Variants in ERCC3 observed in about 807,000 individuals in gnomAD.
ERCC3 encodes ERCC excision repair 3, TFIIH core complex helicase subunit, also known as general transcription and DNA repair factor IIH helicase/translocase subunit XPB.
Under a neutral mutation model 94.2 loss-of-function variants are expected in ERCC3, and 66 were observed. The observed-to-expected ratio is 0.70, with a 90% CI of 0.57 to 0.86. The LOEUF is 0.86. Among genes scored for constraint, ERCC3 ranks in the 40% least tolerant of loss-of-function variants. The probability of loss-of-function intolerance (pLI) is 0.00; values close to 1 mark genes in which losing one functional copy is unlikely to be tolerated. For missense variants in ERCC3, 829 were observed against 987.1 expected (o/e 0.84, Z 2.15); for synonymous variants, 349 against 369.1 (o/e 0.95, Z 0.63).
chr2:127,273,300 G>A (rs1234456947), intron 10 of ERCC3, among the ~76,000 whole-genome samples: 1 of 152,130 alleles, frequency 6.6e-6, no homozygotes, highest in Non-Finnish European at 1.5e-5. Context: ...AAAGAGAGGT[G>A]CAAAGAAACC....
At chr2:127,290,490 C>T in intron 3 of ERCC3, 1 of 620,352 alleles carries the variant, frequency 1.6e-6, no homozygotes, top group Non-Finnish European at 2.9e-6. Context: ...CTGGGTAATT[C>T]TGATGCATAT....
chr2:127,269,012 G>C (rs1042871279), intron 12 of ERCC3, among the ~76,000 whole-genome samples: 1 of 152,150 alleles, frequency 6.6e-6, no homozygotes, highest in Non-Finnish European at 1.5e-5. Flanking sequence ...ACTAATGGGT[G>C]GGGAGAATTT....
chr2:127,286,959 C>G lies in ERCC3; in HGVS notation c.1086G>C (p.Leu362=). ...CAGAAACAGCTGAGTTGCCCAGCAC[C>G]AGACAGCGTTTTCTGACAGTGCATG... ...TAACTVRKRC[L]VLGNSAVSVE... The change falls in exon 8 of 15, where the codon CTG becomes CTC. Residue 362 remains leucine (L), a synonymous_variant. Coordinates refer to ENST00000285398, the MANE Select transcript of ERCC3 (RefSeq NM_000122.2). The G allele has an allele frequency of 6.2e-7, 1 of 1,614,090 alleles. No homozygotes were observed. Among genetic ancestry groups the G allele is most frequent in the Non-Finnish European group, 8.5e-7 (1 of 1,180,018 alleles).
chr2:127,280,512 G>C lies in ERCC3; in HGVS notation c.1462C>G (p.Leu488Val), dbSNP rs1304706419. 6.2e-6 allele frequency: 10 copies of C among 1,613,914 alleles called. No individual in the cohort carries two copies. The highest frequency in any genetic ancestry group is 1.3e-5 in the African/African-American group (1 of 74,902). Residue 488 changes from leucine to valine, a missense_variant, in exon 9 of 15, where the codon CTC becomes GTC. Coordinates refer to ENST00000285398, the MANE Select transcript of ERCC3 (RefSeq NM_000122.2). This position sits in a 1 kb window ranked among gnomAD's most constrained non-coding sequence, Gnocchi z 6.3. ...AGCTCCATCCAGTTGGCTTCGTAGA[G>C]CTTAGGCCCAATCAGAAAATTTAAA... is the stretch of plus-strand genomic sequence containing the variant. ...VDLNFLIGPK[L>V]YEANWMELQN...
Position 127,280,589 on chromosome 2 carries a change from C to G in ERCC3, c.1385G>C (p.Cys462Ser). ...GAGGGTCGCAGTCAAACCCAGCTTA[C>G]AGTGGGCCTGCACGATGGTGAGCAC... is the stretch of plus-strand genomic sequence containing the variant. Reference protein sequence around the residue: ...RRVLTIVQAHCKLGLTATLVR... With the variant: ...RRVLTIVQAHSKLGLTATLVR... The change falls in exon 9 of 15, where the codon TGT becomes TCT. Residue 462 changes from cysteine to serine, a missense_variant. Cys to Ser is a moderately radical substitution (Grantham distance 112, BLOSUM62 -1). Transcript: ENST00000285398. The surrounding 1 kb of genome is among the most constrained non-coding windows in gnomAD (Gnocchi z 6.3). The G allele has an allele frequency of 2.5e-6, 4 of 1,614,210 alleles. No individual in the cohort carries two copies. The highest frequency in any genetic ancestry group is 2.5e-6 in the Non-Finnish European group (3 of 1,180,034).
intron 10 of ERCC3, among the ~76,000 whole-genome samples, chr2:127,273,431 C>CT (rs1335334581): frequency 6.6e-6 from 1 of 152,152 alleles, no homozygotes; most frequent in Non-Finnish European, 1.5e-5. Context: ...TCCCATAACA[C>CT]TAAGTTTTAA....
In ERCC3 at chr2:127,259,371, C is replaced by T; in HGVS notation, c.2142G>A (p.Gln714=). The change falls in exon 14 of 15, where the codon CAG becomes CAA. Residue 714 remains glutamine, a synonymous_variant. Coordinates refer to ENST00000285398, the MANE Select transcript of ERCC3 (RefSeq NM_000122.2). The surrounding 1 kb of genome is among the most constrained non-coding windows in gnomAD (Gnocchi z 4.9). ...CCAGGTCAGTGGCTGCCAGGACTTTCTGTAAGAGCTGCTGTTGCTCTTCTT... is the reference window on the plus strand; with the variant it reads ...CCAGGTCAGTGGCTGCCAGGACTTTTTGTAAGAGCTGCTGTTGCTCTTCTT... ...STKEEQQQLL[Q]KVLAATDLDA... 1 of 1,614,232 alleles carries T rather than the reference C, an allele frequency of 6.2e-7. No individual in the cohort carries two copies. The highest frequency in any genetic ancestry group is 8.5e-7 in the Non-Finnish European group (1 of 1,180,038).
chr2:127,290,272 A>ACTCC lies in ERCC3; in HGVS notation c.472_473insGGAG (p.Leu158TrpfsTer22). The ACTCC allele has an allele frequency of 6.2e-7, 1 of 1,612,938 alleles. No individual in the cohort carries two copies. The highest frequency in any genetic ancestry group is 1.1e-5 in the South Asian group (1 of 91,056). On this transcript the variant is annotated frameshift_variant and splice_region_variant, in exon 4 of 15. Coordinates refer to ENST00000285398, the MANE Select transcript of ERCC3 (RefSeq NM_000122.2). LOFTEE classifies it high-confidence loss of function. ...GACTTTTCCATAGCTGACAGTACAC[A>ACTCC]ACTGCAAATACAGATAACATCCAAC...
rs549135061 is a variant in ERCC3, at chr2:127,264,042, A to G, written c.1946-2696T>C. ...TCCAGTTCTTAAAGGGAATGCTTCC[A>G]GCTTTTGCTTACTTAGTATGATGTT... is the stretch of plus-strand genomic sequence containing the variant. On this transcript the variant is annotated intron_variant, in intron 12 of 14. Coordinates refer to ENST00000285398, the MANE Select transcript of ERCC3 (RefSeq NM_000122.2). The surrounding 1 kb of genome is among the most constrained non-coding windows in gnomAD (Gnocchi z 4.4). 7.9e-5 allele frequency among the ~76,000 whole-genome samples: 12 copies of G among 152,306 alleles called. No individual in the cohort carries two copies. The highest frequency in any genetic ancestry group is 7.2e-4 in the Admixed American group (11 of 15,288).
chr2:127,261,606 A>G (rs1398861097), intron 12 of ERCC3: 1 of 456,862 alleles, frequency 2.2e-6, no homozygotes, highest in Non-Finnish European at 4.0e-6. Context: ...TATCTAGGTT[A>G]TACAAAGAAC....
intron 10 of ERCC3, among the ~76,000 whole-genome samples, chr2:127,275,553 C>T (rs758670506): frequency 2.0e-5 from 3 of 152,168 alleles, no homozygotes; most frequent in Non-Finnish European, 2.9e-5. Context: ...CGGGAGGCTG[C>T]GGCTAAGGCA....
chr2:127,286,419 G>C lies in ERCC3; in HGVS notation c.1342+284C>G, dbSNP rs112431905. On this transcript the variant is annotated intron_variant, in intron 8 of 14. Transcript: ENST00000285398. ...AAAAATTAGCCTAGCATGGTGGCAG[G>C]TGCCTGTAATCCCAGCTACTCAGAG... Among the ~76,000 whole-genome samples, 499 of 152,132 alleles carry C rather than the reference G, an allele frequency of 3.3e-3. 2 individuals are homozygous for C. The highest frequency in any genetic ancestry group is 0.011 in the African/African-American group (466 of 41,520).
At chr2:127,278,826 C>T (rs1684816095) in intron 10 of ERCC3, among the ~76,000 whole-genome samples, 1 of 152,218 alleles carries the variant, frequency 6.6e-6, no homozygotes, top group Admixed American at 6.5e-5. Flanking sequence ...GTCTGGCCTC[C>T]TCTCCACCCA....
intron 10 of ERCC3, 40 bp from the exon 11 acceptor site, chr2:127,273,001 C>A (rs752145340): frequency 7.3e-6 from 9 of 1,241,058 alleles, no homozygotes; most frequent in Non-Finnish European, 1.2e-6. Flanking sequence ...CAGAATAATG[C>A]CTCAGTTATC....
intron 10 of ERCC3, 31 bp from the exon 11 acceptor site, chr2:127,272,992 A>T (rs756485116): frequency 1.5e-6 from 2 of 1,310,610 alleles, no homozygotes; most frequent in African/African-American, 2.9e-5. Flanking sequence ...GTTAGACCAC[A>T]GAATAATGCC....
In ERCC3 at chr2:127,280,785, C is replaced by T; in HGVS notation, c.1343-154G>A. 1 of 712,354 alleles carries T rather than the reference C, an allele frequency of 1.4e-6. No homozygotes were observed. The highest frequency in any genetic ancestry group is 2.3e-5 in the Admixed American group (1 of 43,796). The allele number at this position is 712,354 out of a possible 1,614,324, so 44.1% of individuals were successfully genotyped here. A position where few individuals can be genotyped will look rare whatever the true frequency, so the allele number is the denominator to read the frequency against. On this transcript the variant is annotated intron_variant, in intron 8 of 14. Transcript: ENST00000285398. The surrounding 1 kb of genome is among the most constrained non-coding windows in gnomAD (Gnocchi z 6.3). The stretch of plus-strand genomic sequence containing the variant: ...CAAGCAATCCCCCTGCCTTCGCCTC[C>T]CAAAGTGCTGGGATTACAGACGTGA...
chr2:127,266,216 T>A (rs1219697442), intron 12 of ERCC3, among the ~76,000 whole-genome samples: 1 of 151,992 alleles, frequency 6.6e-6, no homozygotes, highest in Admixed American at 6.5e-5. Context: ...CATGAGCCAC[T>A]GTGCCTGGCC....
Position 127,264,047 on chromosome 2 carries a change from T to C in ERCC3, c.1946-2701A>G, listed in dbSNP as rs1474637337. Among the ~76,000 whole-genome samples, 1 of 152,226 alleles carries C rather than the reference T, an allele frequency of 6.6e-6. No individual in the cohort carries two copies. Among genetic ancestry groups the C allele is most frequent in the African/African-American group, 2.4e-5 (1 of 41,466 alleles). Reference sequence around the variant, plus strand: ...TTCTTAAAGGGAATGCTTCCAGCTTTTGCTTACTTAGTATGATGTTGGCTG... The same window carrying C: ...TTCTTAAAGGGAATGCTTCCAGCTTCTGCTTACTTAGTATGATGTTGGCTG... On this transcript the variant is annotated intron_variant, in intron 12 of 14. Transcript: ENST00000285398. The surrounding 1 kb of genome is among the most constrained non-coding windows in gnomAD (Gnocchi z 4.4).
chr2:127,271,189 A>C lies in ERCC3; in HGVS notation c.1945+147T>G. Reference sequence around the variant, plus strand: ...GTATGAGAAATAATGATGGGCCATAAGGATCTAGGTCTTTGCTTTGGGATT... The same window carrying C: ...GTATGAGAAATAATGATGGGCCATACGGATCTAGGTCTTTGCTTTGGGATT... On this transcript the variant is annotated intron_variant, in intron 12 of 14. Coordinates refer to ENST00000285398, the MANE Select transcript of ERCC3 (RefSeq NM_000122.2). The surrounding 1 kb of genome is among the most constrained non-coding windows in gnomAD (Gnocchi z 5.0). The C allele has an allele frequency of 2.7e-6, 2 of 736,868 alleles. No homozygotes were observed. The highest frequency in any genetic ancestry group is 4.9e-6 in the Non-Finnish European group (2 of 406,734). 45.6% of individuals were successfully genotyped at this position (736,868 alleles called of 1,614,324 possible).
Sources: gnomAD v4.1 joint callset for allele counts (sites outside exome capture counted in the v4.1 genomes callset) on GRCh38, gnomAD v4.1.1 for gene constraint, Gnocchi (gnomAD v3.1) non-coding constraint, MANE v1.5 for transcripts, NCBI Gene and HGNC (gene_info 2026-07-23, HGNC 2026-07-21) for gene names.